Variants in ARMH4 observed in about 807,000 individuals in gnomAD.
ARMH4 encodes armadillo like helical domain containing 4.
In ARMH4, 49 loss-of-function variants were observed where a neutral mutation model predicts 61.9. The observed-to-expected ratio is 0.79, with a 90% CI of 0.63 to 1.00. The LOEUF (loss-of-function observed/expected upper bound fraction) is 1.00. ARMH4 is among the 50% of genes least tolerant of loss of function. ARMH4 has a pLI of 0.00. For missense variants in ARMH4, 934 were observed against 930.0 expected (o/e 1.00, Z -0.06); for synonymous variants, 368 against 341.5 (o/e 1.08, Z -0.85).
intron 4 of ARMH4, chr14:58,100,951 A>G (rs1885953122): frequency 6.3e-6 from 1 of 158,330 alleles, no homozygotes; most frequent in South Asian, 1.9e-4. Flanking sequence ...AGAAAGAAAA[A>G]CAAGCAGACA....
intron 5 of ARMH4, among the ~76,000 whole-genome samples, chr14:58,032,628 C>T (rs1462946814): frequency 6.6e-6 from 1 of 152,086 alleles, no homozygotes; most frequent in Non-Finnish European, 1.5e-5. Flanking sequence ...TTCTGCATTT[C>T]CATCTGAGGT....
At chr14:58,004,962 T>C (rs933313847) in intron 7 of ARMH4, 86 bp downstream of exon 7, 1 of 1,582,996 alleles carries the variant, frequency 6.3e-7, no homozygotes, top group African/African-American at 1.3e-5. Flanking sequence ...CCAAGCATCA[T>C]TAAACCCCGT....
chr14:58,134,449 C>T (rs777323663), intron 2 of ARMH4, among the ~76,000 whole-genome samples: 10 of 152,186 alleles, frequency 6.6e-5, no homozygotes, highest in Admixed American at 4.6e-4. Flanking sequence ...CTTCAACAGA[C>T]TACTTATAAG....
At chr14:58,054,175 T>G (rs1449697746) in intron 5 of ARMH4, among the ~76,000 whole-genome samples, 1 of 152,112 alleles carries the variant, frequency 6.6e-6, no homozygotes, top group East Asian at 1.9e-4. Flanking sequence ...CAGGGTCAAG[T>G]AGAGCACATG....
intron 5 of ARMH4, among the ~76,000 whole-genome samples, chr14:58,048,714 A>C (rs936539277): frequency 1.1e-4 from 16 of 152,252 alleles, no homozygotes; most frequent in African/African-American, 3.6e-4. Context: ...AGCAAGGGGC[A>C]AAACAAGAGC....
At chr14:58,125,228 G>A (rs1457836517) in intron 4 of ARMH4, among the ~76,000 whole-genome samples, 2 of 151,958 alleles carry the variant, frequency 1.3e-5, no homozygotes, top group East Asian at 3.9e-4. Flanking sequence ...TCCCCTCCGA[G>A]AAACCAAGCC....
chr14:58,148,088 C>G (rs191140880), intron 1 of ARMH4, among the ~76,000 whole-genome samples: 10 of 152,140 alleles, frequency 6.6e-5, no homozygotes, highest in African/African-American at 1.9e-4. Flanking sequence ...CTCGCTCTGT[C>G]GCCCAGGCTA....
rs940091420 is a variant in ARMH4 at position 58,002,952 on chromosome 14, G to C, written c.*1784C>G. On this transcript the variant is annotated 3_prime_UTR_variant, in exon 8 of 8. Transcript: ENST00000267485. ...AAAATTATTTGATGAAAATGTTCTT[G>C]TGAGCCAGACATTATTCAAAAACGG... The C allele has an allele frequency of 3.9e-5, 6 of 152,136 alleles. No individual in the cohort carries two copies. Among genetic ancestry groups the C allele is most frequent in the African/African-American group, 1.4e-4 (6 of 41,412 alleles). 9.4% of individuals were successfully genotyped at this position (152,136 alleles called of 1,614,324 possible). A position where few individuals can be genotyped will look rare whatever the true frequency, so the allele number is the denominator to read the frequency against.
chr14:58,078,039 A>G (rs1381329122), intron 5 of ARMH4, among the ~76,000 whole-genome samples: 1 of 152,202 alleles, frequency 6.6e-6, no homozygotes, highest in African/African-American at 2.4e-5. Context: ...GTATTCCTAA[A>G]TAAGCCCAGC....
intron 3 of ARMH4, 47 bp from the exon 4 acceptor site, chr14:58,131,768 G>A (rs1353546618): frequency 6.5e-7 from 1 of 1,549,380 alleles, no homozygotes; most frequent in Non-Finnish European, 8.9e-7. Context: ...TAATCATTAT[G>A]GCAAATGTAA....
At chr14:58,029,435 T>C (rs1409154351) in intron 5 of ARMH4, among the ~76,000 whole-genome samples, 5 of 152,144 alleles carry the variant, frequency 3.3e-5, no homozygotes, top group Admixed American at 3.3e-4. Flanking sequence ...GGTTTCTCCA[T>C]GTTGGTCAGG....
intron 5 of ARMH4, among the ~76,000 whole-genome samples, chr14:58,032,614 T>C (rs1406760927): frequency 1.3e-5 from 2 of 151,664 alleles, no homozygotes; most frequent in Non-Finnish European, 2.9e-5. Context: ...AGAAGACGGG[T>C]GATTTCTGCA....
intron 6 of ARMH4, 142 bp downstream of exon 6, chr14:58,011,977 G>A (rs557285486): frequency 1.6e-6 from 1 of 607,092 alleles, no homozygotes; most frequent in East Asian, 3.3e-5. Flanking sequence ...CTTTTTTGCA[G>A]GTACTGCAAG....
chr14:58,052,530 TC>T lies in ARMH4; in HGVS notation c.2090-40381del, dbSNP rs1380165202. On this transcript the variant is annotated intron_variant, in intron 5 of 7. Transcript: ENST00000267485. ...TGGGTGCATTCCCTCAGTCGACCAC[TC>T]CCTCTATATTGAAACAGTCCTTTCC... 8.5e-5 allele frequency among the ~76,000 whole-genome samples: 13 copies of T among 152,262 alleles called. No homozygotes were observed. In the East Asian group the frequency reaches 2.3e-3, roughly 27 times the overall value.
chr14:58,139,333 A>G lies in ARMH4; in HGVS notation c.26T>C (p.Ile9Thr), dbSNP rs1253591607. 3 of 1,614,074 alleles carry G rather than the reference A, an allele frequency of 1.9e-6. No homozygotes were observed. The highest frequency in any genetic ancestry group is 4.5e-5 in the East Asian group (2 of 44,908). Residue 9 changes from isoleucine to threonine, a missense_variant, in exon 2 of 8, where the codon ATT (isoleucine) becomes ACT (threonine). By Grantham distance (89) the Ile-to-Thr change is moderately conservative. Coordinates refer to ENST00000267485, the MANE Select transcript of ARMH4 (RefSeq NM_001001872.4). The part of the protein sequence containing the change: MRGPIVLH[I>T]CLAFCSLLLF... ...CAGAAGGCTACAGAAAGCCAGACAA[A>G]TGTGCAATACAATCGGTCCTCTCAT...
chr14:58,073,081 A>T (rs1422039732), intron 5 of ARMH4, among the ~76,000 whole-genome samples: 2 of 152,122 alleles, frequency 1.3e-5, no homozygotes, highest in Admixed American at 6.5e-5. Flanking sequence ...TGCATAGCAA[A>T]CACAGTTCCT....
chr14:58,115,252 A>G (rs1218925171), intron 4 of ARMH4, among the ~76,000 whole-genome samples: 1 of 152,184 alleles, frequency 6.6e-6, no homozygotes, highest in African/African-American at 2.4e-5. Flanking sequence ...ACAAGCAAAA[A>G]ACAAACAACT....
Position 58,018,533 on chromosome 14 carries a change from T to C in ARMH4, c.2090-6383A>G, listed in dbSNP as rs563703205. Among the ~76,000 whole-genome samples, 4 of 151,954 alleles carry C rather than the reference T, an allele frequency of 2.6e-5. No individual in the cohort carries two copies. The East Asian group carries it at 7.7e-4, about 29-fold the overall frequency. On this transcript the variant is annotated intron_variant, in intron 5 of 7. Coordinates refer to ENST00000267485, the MANE Select transcript of ARMH4 (RefSeq NM_001001872.4). ...AAAAATGTTCAACATCACTAATTAA[T>C]TTGCTTATCAGTGAAAAGCAAATTA...
intron 5 of ARMH4, among the ~76,000 whole-genome samples, chr14:58,042,994 G>C (rs995459483): frequency 2.0e-5 from 3 of 152,172 alleles, no homozygotes; most frequent in African/African-American, 7.2e-5. Flanking sequence ...TCCAGGACCA[G>C]AAGGATTCAC....
Sources: gnomAD v4.1 joint callset for allele counts (sites outside exome capture counted in the v4.1 genomes callset) on GRCh38, gnomAD v4.1.1 for gene constraint, MANE v1.5 for transcripts, NCBI Gene and HGNC (gene_info 2026-07-23, HGNC 2026-07-21) for gene names.